ADCK1: variants seen among roughly 807,000 people sequenced by gnomAD.
ADCK1 encodes the protein aarF domain-containing protein kinase 1.
A neutral mutation model predicts 52.3 loss-of-function variants in ADCK1; 41 were observed. That is an observed-to-expected ratio of 0.78 (90% CI 0.61 to 1.02). The LOEUF (loss-of-function observed/expected upper bound fraction) is 1.02. Ranked by LOEUF, ADCK1 falls within the 50% of genes least tolerant of loss-of-function variation. The pLI, the probability that ADCK1 is intolerant of heterozygous loss-of-function variation, is 0.00. For synonymous variants in ADCK1, 250 were observed against 274.6 expected, an observed-to-expected ratio of 0.91 and a Z score of 0.89; for missense variants, 658 against 679.5, an observed-to-expected ratio of 0.97 and a Z score of 0.35.
intron 5 of ADCK1, 136 bp downstream of exon 5, chr14:77,887,385 T>C (rs1227013036): frequency 9.8e-7 from 1 of 1,025,192 alleles, no homozygotes; most frequent in Non-Finnish European, 1.3e-6. Context: ...AGAGCTGAGA[T>C]TACGACAGAG....
rs947166548 is a variant in ADCK1 at position 77,924,673 on chromosome 14, A to T, written c.1008+67A>T. 12 of 1,585,432 alleles carry T rather than the reference A, an allele frequency of 7.6e-6. No homozygotes were observed. The East Asian group carries it at 2.7e-4, about 36-fold the overall frequency. On this transcript the variant is annotated intron_variant, in intron 8 of 10. Coordinates refer to ENST00000238561, the MANE Select transcript of ADCK1 (RefSeq NM_020421.4). ...TTAGAGTCTGCTGACCACTCTAATTAGCTGCAGAACCGGGAGGGAGATAGC... is the reference window on the plus strand; with the variant it reads ...TTAGAGTCTGCTGACCACTCTAATTTGCTGCAGAACCGGGAGGGAGATAGC...
intron 7 of ADCK1, among the ~76,000 whole-genome samples, chr14:77,913,088 A>AG (rs2083832182): frequency 6.6e-6 from 1 of 152,154 alleles, no homozygotes; most frequent in South Asian, 2.1e-4. Flanking sequence ...GAATCACTAT[A>AG]GGGGAAAAAA....
In ADCK1 at chr14:77,931,719, T is replaced by G; in HGVS notation, c.1400+8T>G. 1 of 1,598,580 alleles carries G rather than the reference T, an allele frequency of 6.3e-7. No individual in the cohort carries two copies. Among genetic ancestry groups the G allele is most frequent in the Non-Finnish European group, 8.5e-7 (1 of 1,177,644 alleles). ...CATCAGAGCGCTAGCTGAGTGAGTG[T>G]GGGCTCCTCCCTCTCCTCCCCTCCT... is the stretch of plus-strand genomic sequence containing the variant. On this transcript the variant is annotated splice_region_variant and intron_variant, in intron 10 of 10. Coordinates refer to ENST00000238561, the MANE Select transcript of ADCK1 (RefSeq NM_020421.4).
At chr14:77,803,625 T>C (rs2081159947) in intron 1 of ADCK1, among the ~76,000 whole-genome samples, 1 of 152,220 alleles carries the variant, frequency 6.6e-6, no homozygotes, top group South Asian at 2.1e-4. Context: ...AAAACAGCCA[T>C]GTCAGCTTTG....
At chr14:77,815,375 G>A (rs1023139416) in intron 1 of ADCK1, among the ~76,000 whole-genome samples, 1 of 151,512 alleles carries the variant, frequency 6.6e-6, no homozygotes, top group African/African-American at 2.4e-5. Context: ...CCAGGCTAAT[G>A]TTTAAATTTT....
chr14:77,820,319 A>G (rs12886119), intron 2 of ADCK1, among the ~76,000 whole-genome samples: 3 of 133,674 alleles, frequency 2.2e-5, no homozygotes, highest in African/African-American at 8.1e-5. Context: ...ATATATATAT[A>G]TGTATATTTT....
chr14:77,921,326 CAAA>C (rs756056466), intron 7 of ADCK1, among the ~76,000 whole-genome samples: 496 of 41,154 alleles, frequency 0.012, 4 homozygotes, highest in African/African-American at 0.032. Flanking sequence ...GACTCTGTCT[CAAA>C]AAAAAAAAAA....
At chr14:77,875,199 G>A (rs2082871842) in intron 4 of ADCK1, among the ~76,000 whole-genome samples, 1 of 152,174 alleles carries the variant, frequency 6.6e-6, no homozygotes, top group Non-Finnish European at 1.5e-5. Context: ...CATATTTGCA[G>A]ATGGAAACCA....
At chr14:77,875,360 A>G (rs1434666961) in intron 4 of ADCK1, among the ~76,000 whole-genome samples, 4 of 152,070 alleles carry the variant, frequency 2.6e-5, no homozygotes, top group African/African-American at 7.2e-5. Context: ...TGGAATTTGC[A>G]TAGTTGCCTC....
chr14:77,833,496 C>G (rs538190268), intron 3 of ADCK1, among the ~76,000 whole-genome samples: 1 of 152,272 alleles, frequency 6.6e-6, no homozygotes, highest in Non-Finnish European at 1.5e-5. Flanking sequence ...GCATTTAATT[C>G]TCTCTGGTTG....
chr14:77,816,887 T>TATATATATATATATATATATATATATGA, intron 1 of ADCK1, among the ~76,000 whole-genome samples: 1 of 143,162 alleles, frequency 7.0e-6, no homozygotes, highest in Admixed American at 7.1e-5. Context: ...GGTAAATATA[T>TATATATATATATATATATATATATATGA]ATATATATAT....
At chr14:77,822,304 A>T (rs1594877732) in intron 2 of ADCK1, 131 bp from the exon 3 acceptor site, 1 of 697,456 alleles carries the variant, frequency 1.4e-6, no homozygotes, top group Non-Finnish European at 2.6e-6. Context: ...GGGGCCAGGC[A>T]TCTTAGGGGT....
At chr14:77,885,860 A>C (rs767861477) in intron 4 of ADCK1, among the ~76,000 whole-genome samples, 51 of 152,232 alleles carry the variant, frequency 3.4e-4, no homozygotes, top group Non-Finnish European at 6.5e-4. Flanking sequence ...AATCTTGGAA[A>C]AGACCTTTAG....
chr14:77,912,010 T>C (rs1229564630), intron 7 of ADCK1, among the ~76,000 whole-genome samples: 1 of 152,194 alleles, frequency 6.6e-6, no homozygotes, highest in Non-Finnish European at 1.5e-5. Context: ...CTCCCGGAGC[T>C]AATGCTCTTT....
intron 5 of ADCK1, among the ~76,000 whole-genome samples, 179 bp downstream of exon 5, chr14:77,887,428 C>G (rs2083183541): frequency 1.3e-5 from 2 of 152,004 alleles, no homozygotes; most frequent in African/African-American, 4.8e-5. Context: ...ACCATGAAAC[C>G]CTGTGGCAGC....
rs780682194 is a variant in ADCK1, at chr14:77,925,876, A to T, written c.1121A>T (p.Tyr374Phe). ...YSQRLGAGDL[Y>F]PLFACMLTAR... ...CAGCGACTGGGAGCCGGGGATCTCT[A>T]CCCCTTGTTTGCCTGCATGCTGACG... Residue 374 changes from tyrosine to phenylalanine, a missense_variant, in exon 9 of 11, where the codon TAC becomes TTC. Coordinates refer to ENST00000238561, the MANE Select transcript of ADCK1 (RefSeq NM_020421.4). The T allele has an allele frequency of 1.9e-6, 3 of 1,613,918 alleles. No individual in the cohort carries two copies. Among genetic ancestry groups the T allele is most frequent in the Non-Finnish European group, 2.5e-6 (3 of 1,180,008 alleles).
intron 3 of ADCK1, among the ~76,000 whole-genome samples, chr14:77,850,530 T>A (rs1260033066): frequency 6.6e-6 from 1 of 152,214 alleles, no homozygotes; most frequent in African/African-American, 2.4e-5. Context: ...ATTGATCCCT[T>A]TATTGTTATG....
chr14:77,876,559 G>A (rs538903447), intron 4 of ADCK1, among the ~76,000 whole-genome samples: 1 of 152,332 alleles, frequency 6.6e-6, no homozygotes, highest in African/African-American at 2.4e-5. Flanking sequence ...TGTTTTAGGT[G>A]TTGCAGGCCA....
chr14:77,920,861 G>T (rs1380904689), intron 7 of ADCK1, among the ~76,000 whole-genome samples: 2 of 151,892 alleles, frequency 1.3e-5, no homozygotes, highest in Non-Finnish European at 2.9e-5. Context: ...TGTTGCCCAG[G>T]CTGGTCTGAA....
Sources: allele counts gnomAD v4.1 joint callset (sites outside exome capture counted in the v4.1 genomes callset), GRCh38; gene constraint gnomAD v4.1.1; transcripts MANE v1.5; gene names NCBI Gene and HGNC (gene_info 2026-07-23, HGNC 2026-07-21).